Variants in HERC1 observed in about 807,000 individuals in gnomAD.
HERC1 encodes HECT and RLD domain containing E3 ubiquitin protein ligase family member 1.
A neutral mutation model predicts 554.3 loss-of-function variants in HERC1; 160 were observed. The observed-to-expected ratio is 0.29, with a 90% confidence interval of 0.25 to 0.33. The LOEUF is 0.33. Ranked by LOEUF, HERC1 falls within the 10% of genes least tolerant of loss-of-function variation. HERC1 has a pLI of 1.00. For missense variants in HERC1, 4,919 were observed against 5,918.5 expected (o/e 0.83, Z 5.54); for synonymous variants, 2,175 against 2,131.7 (o/e 1.02, Z -0.56).
At chr15:63,714,199 GA>G (rs913670986) in intron 22 of HERC1, among the ~76,000 whole-genome samples, 42 of 142,988 alleles carry the variant, frequency 2.9e-4, no homozygotes, top group Middle Eastern at 3.6e-3. Context: ...GGTTTCAAAA[GA>G]AAAAAAAAAC....
At chr15:63,809,016 T>C (rs2077217276) in intron 1 of HERC1, among the ~76,000 whole-genome samples, 3 of 151,964 alleles carry the variant, frequency 2.0e-5, no homozygotes, top group South Asian at 4.1e-4. Context: ...AATGAAGAAA[T>C]AGCAAAAATA....
chr15:63,675,075 A>C lies in HERC1; in HGVS notation c.7113T>G (p.Asn2371Lys), dbSNP rs773631089. The part of the protein sequence containing the change: ...FWSPSDTPLY[N>K]LEPCEPLPFD... ...ACGGCAATGGTTCACAGGGTTCCAG[A>C]TTATACAATGGAGTATCACTAGGCG... Residue 2371 changes from asparagine (N) to lysine (K), a missense_variant, in exon 38 of 78, where the codon AAT becomes AAG. Physicochemically the swap from Asn to Lys is moderately conservative, Grantham distance 94 (BLOSUM62 0). This residue lies in a region of HERC1 where 1,963 missense variants were observed against 2,228.6 expected (regional missense o/e 0.88). Coordinates refer to ENST00000443617, the MANE Select transcript of HERC1 (RefSeq NM_003922.4). 6.2e-7 allele frequency: 1 copy of C among 1,613,128 alleles called. No individual in the cohort carries two copies.
chr15:63,815,956 A>T (rs1163287080), intron 1 of HERC1, among the ~76,000 whole-genome samples: 2 of 152,136 alleles, frequency 1.3e-5, no homozygotes. Flanking sequence ...ATCTCATGAG[A>T]ACTCACTATC....
At position 63,622,843 on chromosome 15, in the gene HERC1, T is replaced by A. The variant is rs2068144951; in HGVS notation, c.13660A>T (p.Thr4554Ser). The A allele has an allele frequency of 6.2e-7, 1 of 1,607,726 alleles. No homozygotes were observed. Among genetic ancestry groups the A allele is most frequent in the Admixed American group, 1.7e-5 (1 of 58,916 alleles). ...VDLLIPSPNA[T>S]AEVGYNRDRF... The stretch of plus-strand genomic sequence containing the variant: ...TCCCTATTGTAACCCACTTCTGCGG[T>A]GGCATTGGGAGAGGGTATAAGAAGG... Residue 4554 changes from threonine (T) to serine (S), a missense_variant, in exon 74 of 78, where the codon ACC becomes TCC. Coordinates refer to ENST00000443617, the MANE Select transcript of HERC1 (RefSeq NM_003922.4).
intron 16 of HERC1, among the ~76,000 whole-genome samples, chr15:63,728,072 A>T (rs2074109943): frequency 6.6e-6 from 1 of 152,230 alleles, no homozygotes; most frequent in African/African-American, 2.4e-5. Context: ...AATTCAAAGG[A>T]TTAAAACTGT....
chr15:63,674,033 T>C (rs1433410737), intron 38 of HERC1, among the ~76,000 whole-genome samples: 1 of 152,200 alleles, frequency 6.6e-6, no homozygotes. Flanking sequence ...CAGAATACTA[T>C]GTATTTTGAG....
At chr15:63,795,188 G>A (rs1291101842) in intron 1 of HERC1, among the ~76,000 whole-genome samples, 2 of 150,564 alleles carry the variant, frequency 1.3e-5, no homozygotes, top group African/African-American at 4.9e-5. Context: ...ACAAGTTTCT[G>A]CTTTAAAGAT....
intron 1 of HERC1, among the ~76,000 whole-genome samples, chr15:63,786,137 C>A (rs2076433672): frequency 6.6e-6 from 1 of 151,886 alleles, no homozygotes; most frequent in African/African-American, 2.4e-5. Flanking sequence ...TGCAGTGTGC[C>A]TGTAGTCCCA....
At position 63,749,830 on chromosome 15, in the gene HERC1, G is replaced by A; in HGVS notation, c.1903-39C>T. The A allele has an allele frequency of 6.8e-7, 1 of 1,470,990 alleles. No individual in the cohort carries two copies. The highest frequency in any genetic ancestry group is 9.1e-7 in the Non-Finnish European group (1 of 1,104,054). The allele number at this position is 1,470,990 out of a possible 1,614,324, so 91.1% of individuals were successfully genotyped here. A position where few individuals can be genotyped will look rare whatever the true frequency, so the allele number is the denominator to read the frequency against. On this transcript the variant is annotated intron_variant, in intron 8 of 77. Coordinates refer to ENST00000443617, the MANE Select transcript of HERC1 (RefSeq NM_003922.4). The surrounding 1 kb of genome is among the most constrained non-coding windows in gnomAD (Gnocchi z 4.1). Reference sequence around the variant, plus strand: ...AAATACGTTACACATAACTTCCTGAGATGATTAGATTGTTGGCTTTAGGGA... The same window carrying A: ...AAATACGTTACACATAACTTCCTGAAATGATTAGATTGTTGGCTTTAGGGA...
intron 2 of HERC1, among the ~76,000 whole-genome samples, chr15:63,765,172 G>A (rs924550346): frequency 2.0e-5 from 3 of 152,122 alleles, no homozygotes; most frequent in Admixed American, 6.5e-5. Context: ...CCTATCTACT[G>A]AGCGCCAGAG....
chr15:63,717,011 C>T (rs1176221668), intron 21 of HERC1, among the ~76,000 whole-genome samples: 1 of 152,148 alleles, frequency 6.6e-6, no homozygotes, highest in Non-Finnish European at 1.5e-5. Flanking sequence ...GTGGTTTCTA[C>T]CTAGCAGTCA....
At chr15:63,622,070 C>T (rs755401847) in intron 74 of HERC1, among the ~76,000 whole-genome samples, 36 of 152,106 alleles carry the variant, frequency 2.4e-4, no homozygotes, top group Admixed American at 7.9e-4. Context: ...TTTACAAGTC[C>T]ATGAAACAGG....
chr15:63,658,860 T>G (rs778954858), intron 47 of HERC1, 142 bp from the exon 48 acceptor site: 69 of 548,832 alleles, frequency 1.3e-4, no homozygotes, highest in Middle Eastern at 4.8e-4. Context: ...ACAGAAAATT[T>G]CTTAGGAGAA....
At chr15:63,732,839 A>G (rs966748536) in intron 14 of HERC1, 85 bp downstream of exon 14, 2 of 871,362 alleles carry the variant, frequency 2.3e-6, no homozygotes, top group Admixed American at 2.2e-5. Context: ...GATTTCTATC[A>G]TAGGTGTTTA....
chr15:63,660,111 G>A (rs550785791), intron 46 of HERC1, among the ~76,000 whole-genome samples, 175 bp from the exon 47 acceptor site: 50 of 152,162 alleles, frequency 3.3e-4, no homozygotes, highest in African/African-American at 1.2e-3. Context: ...ATGAGGTCAG[G>A]AATTTGAGAC....
At chr15:63,649,428 G>C (rs1259605247) in intron 54 of HERC1, among the ~76,000 whole-genome samples, 1 of 151,962 alleles carries the variant, frequency 6.6e-6, no homozygotes, top group East Asian at 1.9e-4. Context: ...TTTTCTCTTG[G>C]ACAGTCCTAA....
chr15:63,708,790 G>T (rs2073145611), intron 24 of HERC1, among the ~76,000 whole-genome samples: 1 of 152,142 alleles, frequency 6.6e-6, no homozygotes, highest in South Asian at 2.1e-4. Flanking sequence ...TAGTATAGAA[G>T]GGTAACATAT....
At chr15:63,743,633 C>T (rs1049364554) in intron 12 of HERC1, among the ~76,000 whole-genome samples, 1 of 152,208 alleles carries the variant, frequency 6.6e-6, no homozygotes, top group Non-Finnish European at 1.5e-5. Context: ...ATGTCAATTG[C>T]ATTTATCAGC....
At chr15:63,671,703 C>A (rs745888118) in intron 39 of HERC1, among the ~76,000 whole-genome samples, 2 of 152,130 alleles carry the variant, frequency 1.3e-5, no homozygotes, top group Non-Finnish European at 2.9e-5. Flanking sequence ...TGGCCTTGGG[C>A]ACACCAAAAA....
Sources: gnomAD v4.1 joint callset for allele counts (sites outside exome capture counted in the v4.1 genomes callset) on GRCh38, gnomAD v4.1.1 for gene constraint, gnomAD v4.1.1 regional missense constraint, Gnocchi (gnomAD v3.1) non-coding constraint, MANE v1.5 for transcripts, NCBI Gene and HGNC (gene_info 2026-07-23, HGNC 2026-07-21) for gene names.